HEMK1: variants seen among roughly 807,000 people sequenced by gnomAD.
The protein encoded by HEMK1 is MTRF1L release factor glutamine methyltransferase.
HEMK1 carries 36 observed loss-of-function variants against 47.9 expected under a neutral mutation model. The ratio of observed to expected loss-of-function variants is 0.75; its 90% CI spans 0.58 to 0.99. HEMK1 has a LOEUF of 0.99. HEMK1 is among the 50% of genes least tolerant of loss of function. The pLI is 0.00. For synonymous variants in HEMK1, 153 were observed against 165.4 expected (o/e 0.93, Z 0.57); for missense variants, 383 against 434.5 (o/e 0.88, Z 1.05).
chr3:50,577,237 C>G (rs1483043878), intron 5 of HEMK1, 51 bp downstream of exon 5: 1 of 1,566,232 alleles, frequency 6.4e-7, no homozygotes, highest in African/African-American at 1.4e-5. Context: ...CTCACTGTCC[C>G]TCCCATTAGT....
At position 50,592,451 on chromosome 3, in the gene HEMK1, C is replaced by T. The variant is rs954047985; in HGVS notation, c.*12034C>T. ...TCCCTGCCACCCTCCCTCCCTGATT[C>T]CTTGAATAAAATTCAGCCTTCCAAA... On this transcript the variant is annotated 3_prime_UTR_variant, in exon 11 of 11. Coordinates refer to ENST00000232854, the MANE Select transcript of HEMK1 (RefSeq NM_016173.5). The T allele has an allele frequency of 1.3e-5, 2 of 152,214 alleles. No individual in the cohort carries two copies. Among genetic ancestry groups the T allele is most frequent in the African/African-American group, 2.4e-5 (1 of 41,438 alleles). The allele number at this position is 152,214 out of a possible 1,614,324, so 9.4% of individuals were successfully genotyped here. A position where few individuals can be genotyped will look rare whatever the true frequency, so the allele number is the denominator to read the frequency against.
In HEMK1 at chr3:50,584,331, C is replaced by CTCT. The variant is rs2031153634; in HGVS notation, c.*3915_*3917dup. 6.6e-6 allele frequency: 1 copy of CTCT among 152,350 alleles called. No homozygotes were observed. The highest frequency in any genetic ancestry group is 6.5e-5 in the Admixed American group (1 of 15,286). 9.4% of individuals were successfully genotyped at this position (152,350 alleles called of 1,614,324 possible). A position where few individuals can be genotyped will look rare whatever the true frequency, so the allele number is the denominator to read the frequency against. ...GACTGTCAAAGCAACTCTACCCCTG[C>CTCT]TCTGGTAGGCTGAACAGTGACCCCC... On this transcript the variant is annotated 3_prime_UTR_variant, in exon 11 of 11. Coordinates refer to ENST00000232854, the MANE Select transcript of HEMK1 (RefSeq NM_016173.5).
Position 50,592,942 on chromosome 3 carries a change from G to C in HEMK1, c.*12525G>C, listed in dbSNP as rs965290662. ...GCACCATCAACTGGGTGCCAGGCCT[G>C]TGCCTATATTTGGCAGGGTGAGGGG... On this transcript the variant is annotated 3_prime_UTR_variant, in exon 11 of 11. Coordinates refer to ENST00000232854, the MANE Select transcript of HEMK1 (RefSeq NM_016173.5). 6.6e-6 allele frequency: 1 copy of C among 152,300 alleles called. No individual in the cohort carries two copies. The highest frequency in any genetic ancestry group is 1.5e-5 in the Non-Finnish European group (1 of 68,128). The allele number at this position is 152,300 out of a possible 1,614,324, so 9.4% of individuals were successfully genotyped here.
chr3:50,578,019 TGCA>T, intron 7 of HEMK1, 144 bp downstream of exon 7: 2 of 785,262 alleles, frequency 2.5e-6, no homozygotes, highest in Non-Finnish European at 4.4e-6. Context: ...CGTGTGTGTG[TGCA>T]CGTTTGTGGC....
rs2030832499 is a variant in HEMK1, at chr3:50,581,701, A to G, written c.*1284A>G. 1 of 152,276 alleles carries G rather than the reference A, an allele frequency of 6.6e-6. No individual in the cohort carries two copies. The allele number at this position is 152,276 out of a possible 1,614,324, so 9.4% of individuals were successfully genotyped here. A position where few individuals can be genotyped will look rare whatever the true frequency, so the allele number is the denominator to read the frequency against. ...TATGTACTGCCTGAGGTCACATGACAGTGACCAAGTGGAGACAGTAAGTTA... is the reference window on the plus strand; with the variant it reads ...TATGTACTGCCTGAGGTCACATGACGGTGACCAAGTGGAGACAGTAAGTTA... On this transcript the variant is annotated 3_prime_UTR_variant, in exon 11 of 11. Coordinates refer to ENST00000232854, the MANE Select transcript of HEMK1 (RefSeq NM_016173.5).
Position 50,580,386 on chromosome 3 carries a change from G to C in HEMK1, c.986G>C (p.Arg329Pro). 1.1e-5 allele frequency: 18 copies of C among 1,614,112 alleles called. No homozygotes were observed. The highest frequency in any genetic ancestry group is 1.5e-5 in the Non-Finnish European group (18 of 1,180,010). ...CCCTGTCCCTGTCTCCTCAGGCCCC[G>C]GTTCCTGCATATCCGGAGGTCTGGG... ...AVRRDFCGRP[R>P]FLHIRRSGP The change falls in exon 11 of 11, where the codon CGG becomes CCG. Residue 329 changes from arginine (R) to proline (P), a missense_variant. Arg to Pro is a moderately radical substitution (Grantham distance 103). Coordinates refer to ENST00000232854, the MANE Select transcript of HEMK1 (RefSeq NM_016173.5).
In HEMK1 at chr3:50,582,129, C is replaced by T. The variant is rs2030893729; in HGVS notation, c.*1712C>T. ...CTCGGAGCAGTCTGTCGCCCCCCTA[C>T]ACCTCAGCCAGTCCTGGCTTCCCTG... is the stretch of plus-strand genomic sequence containing the variant. On this transcript the variant is annotated 3_prime_UTR_variant, in exon 11 of 11. Transcript: ENST00000232854. The T allele has an allele frequency of 6.6e-6, 1 of 152,264 alleles. No homozygotes were observed. The highest frequency in any genetic ancestry group is 2.1e-4 in the South Asian group (1 of 4,830). 9.4% of individuals were successfully genotyped at this position (152,264 alleles called of 1,614,324 possible).
At chr3:50,573,915 C>G (rs1701290429) in intron 4 of HEMK1, among the ~76,000 whole-genome samples, 1 of 152,204 alleles carries the variant, frequency 6.6e-6, no homozygotes, top group Non-Finnish European at 1.5e-5. Context: ...ACCATTCTCA[C>G]CCAGCCTGCT....
intron 4 of HEMK1, among the ~76,000 whole-genome samples, chr3:50,576,524 C>T (rs1701608718): frequency 6.6e-6 from 1 of 152,236 alleles, no homozygotes; most frequent in African/African-American, 2.4e-5. Context: ...TCACCTCAGC[C>T]TTCTGAGTAG....
At chr3:50,570,683 A>T (rs1700850465) in intron 1 of HEMK1, 1 of 159,906 alleles carries the variant, frequency 6.3e-6, no homozygotes, top group Non-Finnish European at 1.4e-5. Context: ...CTGTCCCCAC[A>T]TATGTGCCCT....
At position 50,582,531 on chromosome 3, in the gene HEMK1, G is replaced by C. The variant is rs1258396687; in HGVS notation, c.*2114G>C. ...TCACTCAGCCTTGGCTTCTAAGGCT[G>C]AGAAATGGGACTTAATGCTTTATTT... On this transcript the variant is annotated 3_prime_UTR_variant, in exon 11 of 11. Transcript: ENST00000232854. 1 of 152,238 alleles carries C rather than the reference G, an allele frequency of 6.6e-6. No individual in the cohort carries two copies. Among genetic ancestry groups the C allele is most frequent in the African/African-American group, 2.4e-5 (1 of 41,464 alleles). The allele number at this position is 152,238 out of a possible 1,614,324, so 9.4% of individuals were successfully genotyped here. A position where few individuals can be genotyped will look rare whatever the true frequency, so the allele number is the denominator to read the frequency against.
At chr3:50,577,360 A>G in intron 5 of HEMK1, 149 bp from the exon 6 acceptor site, 6 of 1,103,476 alleles carry the variant, frequency 5.4e-6, no homozygotes, top group Non-Finnish European at 8.2e-6. Flanking sequence ...TACCACATCT[A>G]TCTGGCTAGA....
chr3:50,578,231 G>A (rs1575942559), intron 7 of HEMK1, among the ~76,000 whole-genome samples: 1 of 152,186 alleles, frequency 6.6e-6, no homozygotes, highest in Admixed American at 6.5e-5. Flanking sequence ...CTTTCCCCCT[G>A]CCTGGCAGGG....
intron 4 of HEMK1, among the ~76,000 whole-genome samples, chr3:50,576,185 G>A (rs1157722763): frequency 1.3e-5 from 2 of 152,212 alleles, no homozygotes; most frequent in East Asian, 3.9e-4. Context: ...AGCCTCCCTG[G>A]GGGCCTCTCA....
At chr3:50,578,041 C>G (rs116108034) in intron 7 of HEMK1, among the ~76,000 whole-genome samples, 166 bp downstream of exon 7, 10 of 152,140 alleles carry the variant, frequency 6.6e-5, no homozygotes, top group Non-Finnish European at 1.3e-4. Context: ...GCAGCTCAAA[C>G]GAAGCCTTGG....
In HEMK1 at chr3:50,571,311, T is replaced by C; in HGVS notation, c.207T>C (p.Ala69=). 1 of 1,601,330 alleles carries C rather than the reference T, an allele frequency of 6.2e-7. No homozygotes were observed. The highest frequency in any genetic ancestry group is 8.5e-7 in the Non-Finnish European group (1 of 1,173,540). Residue 69 remains alanine (A), a synonymous_variant, in exon 2 of 11, where the codon GCT becomes GCC. Coordinates refer to ENST00000232854, the MANE Select transcript of HEMK1 (RefSeq NM_016173.5). ...GGGAATCCAGTGAGTACATCGTGGCTCATGTCCTTGGAGCCAAAACAGTTA... is the reference window on the plus strand; with the variant it reads ...GGGAATCCAGTGAGTACATCGTGGCCCATGTCCTTGGAGCCAAAACAGTTA... ...EARESSEYIV[A]HVLGAKTFQS... is the part of the protein sequence containing the mutation.
rs1409697708 is a variant in HEMK1, at chr3:50,589,046, A to G, written c.*8629A>G. ...AAGATAAAATGAGCATCTAGTTAGCAAAAATGTATTTTGCAAGTGCAAATT... is the reference window on the plus strand; with the variant it reads ...AAGATAAAATGAGCATCTAGTTAGCGAAAATGTATTTTGCAAGTGCAAATT... On this transcript the variant is annotated 3_prime_UTR_variant, in exon 11 of 11. Coordinates refer to ENST00000232854, the MANE Select transcript of HEMK1 (RefSeq NM_016173.5). 1.3e-5 allele frequency: 2 copies of G among 152,378 alleles called. No homozygotes were observed. Among genetic ancestry groups the G allele is most frequent in the African/African-American group, 2.4e-5 (1 of 41,592 alleles). 9.4% of individuals were successfully genotyped at this position (152,378 alleles called of 1,614,324 possible). A position where few individuals can be genotyped will look rare whatever the true frequency, so the allele number is the denominator to read the frequency against.
intron 3 of HEMK1, 138 bp downstream of exon 3, chr3:50,571,939 GGCCGGGGT>G: frequency 7.7e-7 from 1 of 1,297,796 alleles, no homozygotes; most frequent in South Asian, 1.3e-5. Context: ...GCAAGAGTGG[GGCCGGGGT>G]ACTGAATAGG....
intron 7 of HEMK1, 57 bp downstream of exon 7, chr3:50,577,932 T>C (rs2029981821): frequency 6.6e-7 from 1 of 1,511,082 alleles, no homozygotes; most frequent in Non-Finnish European, 9.2e-7. Context: ...TGCTGCTGGG[T>C]GGATGAGGCA....
Sources: gnomAD v4.1 joint callset for allele counts (sites outside exome capture counted in the v4.1 genomes callset) on GRCh38, gnomAD v4.1.1 for gene constraint, MANE v1.5 for transcripts, NCBI Gene and HGNC (gene_info 2026-07-23, HGNC 2026-07-21) for gene names.